Variants in C8orf34 observed in about 807,000 individuals in gnomAD.
C8orf34 encodes chromosome 8 open reading frame 34.
In C8orf34, 65 loss-of-function variants were observed where a neutral mutation model predicts 68.3. The ratio of observed to expected loss-of-function variants is 0.95; its 90% CI spans 0.78 to 1.17. C8orf34 has a LOEUF of 1.17. Among genes scored for constraint, C8orf34 ranks in the 50% most tolerant of loss-of-function variants. C8orf34 has a pLI of 0.00. For synonymous variants in C8orf34, 244 were observed against 241.2 expected, an observed-to-expected ratio of 1.01 and a Z score of -0.11; for missense variants, 664 against 655.4, an observed-to-expected ratio of 1.01 and a Z score of -0.14.
At chr8:68,534,558 C>T in intron 7 of C8orf34, 1 of 899,502 alleles carries the variant, frequency 1.1e-6, no homozygotes, top group Non-Finnish European at 1.3e-6. Flanking sequence ...AGGTAAGGGA[C>T]AGTGACCCAG....
rs1367367417 is a variant in C8orf34, at chr8:68,498,352, A to G, written c.765+10301A>G. On this transcript the variant is annotated intron_variant, in intron 5 of 13. Transcript: ENST00000518698. The stretch of plus-strand genomic sequence containing the variant: ...AATATTTGACTTTGGAACAACTTAA[A>G]TATTAAATCTTAAAACAGTAATTTA... 2.0e-5 allele frequency among the ~76,000 whole-genome samples: 3 copies of G among 152,218 alleles called. No homozygotes were observed. The East Asian group carries it at 5.8e-4, about 29-fold the overall frequency.
At chr8:68,507,088 T>C (rs1337699999) in intron 5 of C8orf34, among the ~76,000 whole-genome samples, 2 of 152,188 alleles carry the variant, frequency 1.3e-5, no homozygotes, top group African/African-American at 4.8e-5. Flanking sequence ...ATCCTACCTA[T>C]GAATATGCCA....
chr8:68,418,406 A>C (rs1298857493), intron 1 of C8orf34, among the ~76,000 whole-genome samples: 3 of 152,080 alleles, frequency 2.0e-5, no homozygotes, highest in African/African-American at 7.2e-5. Flanking sequence ...GATTTTGCCC[A>C]TTCAGTATGA....
chr8:68,352,465 G>T (rs1806552316), intron 1 of C8orf34, among the ~76,000 whole-genome samples: 1 of 151,930 alleles, frequency 6.6e-6, no homozygotes, highest in Non-Finnish European at 1.5e-5. Flanking sequence ...AATTTTTATA[G>T]ACATTATGCA....
chr8:68,617,909 C>T (rs1478316674), intron 7 of C8orf34, among the ~76,000 whole-genome samples: 1 of 152,190 alleles, frequency 6.6e-6, no homozygotes, highest in Non-Finnish European at 1.5e-5. Context: ...CTCCCCGTCA[C>T]TTTCAGGTAC....
intron 8 of C8orf34, among the ~76,000 whole-genome samples, chr8:68,665,838 C>T (rs1819822444): frequency 6.6e-6 from 1 of 152,076 alleles, no homozygotes; most frequent in African/African-American, 2.4e-5. Flanking sequence ...TGATTTCACT[C>T]CATGCTCCTG....
chr8:68,728,054 T>C (rs1215791933), intron 10 of C8orf34, among the ~76,000 whole-genome samples: 1 of 152,252 alleles, frequency 6.6e-6, no homozygotes, highest in East Asian at 1.9e-4. Context: ...CAAACTTCTA[T>C]GCTCTGCTTC....
In C8orf34 at chr8:68,653,008, C is replaced by A. The variant is rs975898784; in HGVS notation, c.1241+12497C>A. 7.2e-5 allele frequency among the ~76,000 whole-genome samples: 11 copies of A among 152,240 alleles called. No homozygotes were observed. In the South Asian group the frequency reaches 1.7e-3, roughly 23 times the overall value. Reference sequence around the variant, plus strand: ...ACAGTGTTGTGTTCCTACTTAACTTCTTGGTTCTGTAACAGAAAATTCTTT... The same window carrying A: ...ACAGTGTTGTGTTCCTACTTAACTTATTGGTTCTGTAACAGAAAATTCTTT... On this transcript the variant is annotated intron_variant, in intron 8 of 13. Coordinates refer to ENST00000518698, the MANE Select transcript of C8orf34 (RefSeq NM_052958.4).
At chr8:68,794,505 A>ATATTTTTT (rs1313909362) in intron 12 of C8orf34, among the ~76,000 whole-genome samples, 1 of 62,236 alleles carries the variant, frequency 1.6e-5, no homozygotes, top group African/African-American at 1.2e-4. Flanking sequence ...ATATATATAT[A>ATATTTTTT]TTTTTTTTTT....
At chr8:68,789,187 A>G (rs562622766) in intron 12 of C8orf34, among the ~76,000 whole-genome samples, 2 of 152,360 alleles carry the variant, frequency 1.3e-5, no homozygotes, top group African/African-American at 4.8e-5. Flanking sequence ...ATGTTAAAAA[A>G]AACCTTCAAG....
intron 7 of C8orf34, among the ~76,000 whole-genome samples, chr8:68,578,740 C>T (rs552157151): frequency 2.0e-5 from 3 of 151,892 alleles, no homozygotes; most frequent in African/African-American, 7.3e-5. Flanking sequence ...GCCACTAGTA[C>T]ATAACACATA....
intron 7 of C8orf34, chr8:68,625,499 C>T (rs993935399): frequency 3.4e-6 from 2 of 591,572 alleles, no homozygotes; most frequent in Admixed American, 2.6e-5. Context: ...TGTAAAATTC[C>T]ACTTGGGGTG....
intron 8 of C8orf34, among the ~76,000 whole-genome samples, chr8:68,681,926 C>T (rs1820382112): frequency 6.6e-6 from 1 of 152,096 alleles, no homozygotes. Flanking sequence ...GAAAGACAAA[C>T]TTTACATATT....
intron 1 of C8orf34, among the ~76,000 whole-genome samples, chr8:68,335,667 A>T (rs1344417336): frequency 6.6e-6 from 1 of 152,202 alleles, no homozygotes; most frequent in African/African-American, 2.4e-5. Flanking sequence ...TTTTATTTTC[A>T]TGCAGCTTTT....
intron 7 of C8orf34, among the ~76,000 whole-genome samples, chr8:68,608,177 G>A (rs968887239): frequency 2.6e-5 from 4 of 152,002 alleles, no homozygotes; most frequent in Admixed American, 2.6e-4. Flanking sequence ...CTGTATGTGG[G>A]AAAGAAAGAT....
intron 12 of C8orf34, among the ~76,000 whole-genome samples, chr8:68,798,076 T>C (rs1824229376): frequency 6.6e-6 from 1 of 152,112 alleles, no homozygotes; most frequent in South Asian, 2.1e-4. Context: ...TAGTCTGTAG[T>C]AGGTTCTTTC....
intron 7 of C8orf34, among the ~76,000 whole-genome samples, chr8:68,614,032 G>C (rs1398643648): frequency 6.6e-6 from 1 of 152,178 alleles, no homozygotes; most frequent in Admixed American, 6.5e-5. Context: ...GCATTTCTCT[G>C]ATGGCCAGTG....
chr8:68,589,497 GA>G (rs1817307652), intron 7 of C8orf34, among the ~76,000 whole-genome samples: 1 of 140,590 alleles, frequency 7.1e-6, no homozygotes, highest in African/African-American at 2.7e-5. Context: ...AAGAAAGAAA[GA>G]GAGAGAACGA....
At chr8:68,574,756 G>T (rs1180459533) in intron 7 of C8orf34, among the ~76,000 whole-genome samples, 2 of 151,968 alleles carry the variant, frequency 1.3e-5, no homozygotes, top group African/African-American at 4.8e-5. Context: ...AGTTCTACTA[G>T]ATTTTATAGC....
Sources: allele counts gnomAD v4.1 joint callset (sites outside exome capture counted in the v4.1 genomes callset), GRCh38; gene constraint gnomAD v4.1.1; transcripts MANE v1.5; gene names NCBI Gene and HGNC (gene_info 2026-07-23, HGNC 2026-07-21).